The following TBC1D1 variants were observed in gnomAD, a reference collection of about 807,000 sequenced individuals.
The protein encoded by TBC1D1 is TBC1 domain family member 1.
TBC1D1 carries 89 observed loss-of-function variants against 125.6 expected under a neutral mutation model. The ratio of observed to expected loss-of-function variants is 0.71; its 90% CI spans 0.60 to 0.85. TBC1D1 has a LOEUF of 0.85. Among genes scored for constraint, TBC1D1 ranks in the 40% least tolerant of loss-of-function variants. The pLI, the probability that TBC1D1 is intolerant of heterozygous loss-of-function variation, is 0.00. For synonymous variants in TBC1D1, 565 were observed against 564.1 expected (o/e 1.00, Z -0.02); for missense variants, 1,377 against 1,469.2 (o/e 0.94, Z 1.03).
chr4:38,078,949 G>C (rs566918172), intron 12 of TBC1D1, among the ~76,000 whole-genome samples: 2 of 152,170 alleles, frequency 1.3e-5, no homozygotes, highest in Non-Finnish European at 2.9e-5. Flanking sequence ...GGGGAGATTT[G>C]AGGGTGAGGA....
chr4:38,124,955 T>C lies in TBC1D1; in HGVS notation c.2963-7T>C. 1.2e-6 allele frequency: 2 copies of C among 1,612,638 alleles called. No individual in the cohort carries two copies. The highest frequency in any genetic ancestry group is 8.5e-7 in the Non-Finnish European group (1 of 1,179,334). On this transcript the variant is annotated splice_region_variant and splice_polypyrimidine_tract_variant and intron_variant, in intron 17 of 19. Coordinates refer to ENST00000261439, the MANE Select transcript of TBC1D1 (RefSeq NM_015173.4). ...GTTTAACTTTCTGCATTTCTGTGTT[T>C]TCTCAGATATGATTTTTCTTCAGGG...
At chr4:37,982,361 T>C (rs1204367565) in intron 2 of TBC1D1, among the ~76,000 whole-genome samples, 1 of 152,086 alleles carries the variant, frequency 6.6e-6, no homozygotes, top group African/African-American at 2.4e-5. Flanking sequence ...TGTTTTAAAA[T>C]TTTTTTTTCT....
In TBC1D1 at chr4:38,054,259, G is replaced by A; in HGVS notation, c.1971G>A (p.Arg657=). 6.2e-7 allele frequency: 1 copy of A among 1,614,168 alleles called. No homozygotes were observed. The highest frequency in any genetic ancestry group is 8.5e-7 in the Non-Finnish European group (1 of 1,180,012). ...CTGGTGGGACTCCTGTGAAGACCCG[G>A]AGGCATTCCTGGAGGCAGCAGATAT... The change falls in exon 12 of 20, where the codon CGG becomes CGA. Residue 657 remains arginine, a synonymous_variant. Coordinates refer to ENST00000261439, the MANE Select transcript of TBC1D1 (RefSeq NM_015173.4).
At chr4:37,960,361 A>T in intron 2 of TBC1D1, 2 of 1,325,942 alleles carry the variant, frequency 1.5e-6, no homozygotes, top group East Asian at 2.3e-5. Context: ...CACTATAGTT[A>T]ACATTCTATC....
At chr4:37,971,357 A>G (rs1009024824) in intron 2 of TBC1D1, among the ~76,000 whole-genome samples, 1 of 152,202 alleles carries the variant, frequency 6.6e-6, no homozygotes, top group Admixed American at 6.5e-5. Context: ...CCTCAAAATC[A>G]TGGTAGAAGG....
chr4:37,921,994 A>C (rs11733143), intron 2 of TBC1D1, among the ~76,000 whole-genome samples: 55,306 of 151,676 alleles, frequency 0.36, 10,189 homozygotes, highest in Middle Eastern at 0.46. Context: ...ACCTTGGCTT[A>C]TTTAAGTGCT....
At chr4:38,006,999 A>G in intron 2 of TBC1D1, 1 of 417,064 alleles carries the variant, frequency 2.4e-6, no homozygotes, top group Non-Finnish European at 4.8e-6. Flanking sequence ...TTCACTAAAC[A>G]GTGTCACCAT....
intron 12 of TBC1D1, among the ~76,000 whole-genome samples, chr4:38,056,299 T>C (rs899419511): frequency 1.3e-5 from 2 of 152,198 alleles, no homozygotes; most frequent in African/African-American, 2.4e-5. Context: ...AGTCCTGTCC[T>C]CCGAAGAGCC....
chr4:38,102,874 C>G (rs1431607838), intron 14 of TBC1D1, 125 bp from the exon 17 acceptor site: 4 of 1,110,108 alleles, frequency 3.6e-6, no homozygotes, highest in East Asian at 2.6e-5. Context: ...AAGCCAGACT[C>G]TGTCTCAAAA....
Position 38,095,950 on chromosome 4 carries a change from A to G in TBC1D1, c.2258A>G (p.Asn753Ser). 6.2e-7 allele frequency: 1 copy of G among 1,613,800 alleles called. No individual in the cohort carries two copies. Among genetic ancestry groups the G allele is most frequent in the Non-Finnish European group, 8.5e-7 (1 of 1,179,872 alleles). The change falls in exon 14 of 20, where the codon AAC (asparagine) becomes AGC (serine). Residue 753 changes from asparagine to serine, a missense_variant. By Grantham distance (46) the Asn-to-Ser change is conservative (BLOSUM62 1). Coordinates refer to ENST00000261439, the MANE Select transcript of TBC1D1 (RefSeq NM_015173.4). ...CCAGCCTCTGAAAATGATTTGCTGA[A>G]CAAGCGCCTGAAGCTCGATTATGAA...
At chr4:38,077,938 C>T (rs769249910) in intron 12 of TBC1D1, among the ~76,000 whole-genome samples, 88 of 152,088 alleles carry the variant, frequency 5.8e-4, no homozygotes, top group Middle Eastern at 3.4e-3. Flanking sequence ...TCAGGTTGTC[C>T]TGTGTTGACA....
intron 13 of TBC1D1, among the ~76,000 whole-genome samples, chr4:38,095,133 C>G (rs1759113936): frequency 6.6e-6 from 1 of 152,002 alleles, no homozygotes; most frequent in South Asian, 2.1e-4. Flanking sequence ...GATGGAAAAC[C>G]ATAAAAGCTG....
intron 1 of TBC1D1, among the ~76,000 whole-genome samples, chr4:37,893,473 G>A (rs945848344): frequency 6.6e-6 from 1 of 152,146 alleles, no homozygotes. Flanking sequence ...TTTCTCAGCA[G>A]TTTTCATCTC....
intron 2 of TBC1D1, among the ~76,000 whole-genome samples, chr4:37,931,870 G>A (rs1172509324): frequency 6.6e-6 from 1 of 152,118 alleles, no homozygotes; most frequent in Admixed American, 6.6e-5. Context: ...ACTCTTTCTT[G>A]TACCTCAAAT....
At chr4:38,133,294 A>C in intron 19 of TBC1D1, 37 bp downstream of exon 21, 1 of 1,586,588 alleles carries the variant, frequency 6.3e-7, no homozygotes, top group Non-Finnish European at 8.6e-7. Context: ...CTGAATCACA[A>C]ATATATGGTA....
chr4:38,030,094 C>G (rs915310154), intron 7 of TBC1D1, among the ~76,000 whole-genome samples: 1 of 152,276 alleles, frequency 6.6e-6, no homozygotes, highest in Non-Finnish European at 1.5e-5. Context: ...AGGAACTTCC[C>G]TCTCATAATG....
intron 12 of TBC1D1, among the ~76,000 whole-genome samples, chr4:38,068,981 C>T (rs1754230754): frequency 6.6e-6 from 1 of 152,228 alleles, no homozygotes; most frequent in African/African-American, 2.4e-5. Context: ...TTCAGGCAGT[C>T]AAGATTTTCT....
chr4:37,911,983 G>A (rs1487938891), intron 2 of TBC1D1, among the ~76,000 whole-genome samples: 1 of 152,068 alleles, frequency 6.6e-6, no homozygotes, highest in Non-Finnish European at 1.5e-5. Flanking sequence ...AGAGATTTTT[G>A]GCTCTTCCTG....
chr4:37,988,238 T>TATAAA (rs1735849375), intron 2 of TBC1D1, among the ~76,000 whole-genome samples: 1 of 152,280 alleles, frequency 6.6e-6, no homozygotes, highest in South Asian at 2.1e-4. Context: ...GTCCTTGATC[T>TATAAA]ATAAAATGAG....
Sources: gnomAD v4.1 joint callset for allele counts (sites outside exome capture counted in the v4.1 genomes callset) on GRCh38, gnomAD v4.1.1 for gene constraint, MANE v1.5 for transcripts, NCBI Gene and HGNC (gene_info 2026-07-23, HGNC 2026-07-21) for gene names.